DENND1B: variants seen among roughly 807,000 people sequenced by gnomAD.
DENND1B encodes the protein DENN domain-containing protein 1B.
In DENND1B, 59 loss-of-function variants were observed where a neutral mutation model predicts 90.1. That is an observed-to-expected ratio of 0.65 (90% CI 0.53 to 0.81). The LOEUF (loss-of-function observed/expected upper bound fraction) is 0.81. Ranked by LOEUF, DENND1B falls within the 40% of genes least tolerant of loss-of-function variation. The pLI is 0.00. For missense variants in DENND1B, 862 were observed against 912.6 expected, an observed-to-expected ratio of 0.94 and a Z score of 0.71; for synonymous variants, 337 against 324.6, an observed-to-expected ratio of 1.04 and a Z score of -0.41.
At chr1:197,516,174 T>A (rs1296647109) in intron 20 of DENND1B, among the ~76,000 whole-genome samples, 2 of 151,862 alleles carry the variant, frequency 1.3e-5, no homozygotes, top group Non-Finnish European at 2.9e-5. Context: ...GAAGTAAAAC[T>A]GATTAATATG....
chr1:197,699,666 T>C (rs1258944614), intron 3 of DENND1B, among the ~76,000 whole-genome samples: 1 of 152,134 alleles, frequency 6.6e-6, no homozygotes, highest in Non-Finnish European at 1.5e-5. Flanking sequence ...GAAAACCCCA[T>C]CATCTCAGCC....
chr1:197,773,645 G>C (rs1178490423), intron 1 of DENND1B, among the ~76,000 whole-genome samples: 2 of 152,228 alleles, frequency 1.3e-5, no homozygotes, highest in Non-Finnish European at 2.9e-5. Context: ...ACTAGAAACT[G>C]TAAGTTTACT....
chr1:197,540,617 T>G (rs1189576257), intron 19 of DENND1B, among the ~76,000 whole-genome samples: 1 of 152,176 alleles, frequency 6.6e-6, no homozygotes, highest in African/African-American at 2.4e-5. Context: ...CTGGGTTACT[T>G]CTACACAAAA....
In DENND1B at chr1:197,628,427, A is replaced by C. The variant is rs551282692; in HGVS notation, c.673-10668T>G. ...CCTGACAAAAACAAGCAATGGGGAA[A>C]CGATTCCCTATTTAATAAATGGTGC... On this transcript the variant is annotated intron_variant, in intron 10 of 22. Coordinates refer to ENST00000620048, the MANE Select transcript of DENND1B (RefSeq NM_001195215.2). Among the ~76,000 whole-genome samples, 59 of 152,306 alleles carry C rather than the reference A, an allele frequency of 3.9e-4. 2 individuals are homozygous for C. In the South Asian group the frequency reaches 0.012, roughly 32 times the overall value.
At chr1:197,520,875 A>T (rs565575414) in intron 20 of DENND1B, among the ~76,000 whole-genome samples, 55 of 151,974 alleles carry the variant, frequency 3.6e-4, no homozygotes, top group Non-Finnish European at 7.1e-4. Context: ...TGTCAAGTAC[A>T]CATCTAATAT....
intron 2 of DENND1B, chr1:197,734,307 A>C: frequency 1.1e-6 from 1 of 948,056 alleles, no homozygotes. Context: ...AGATAAATTT[A>C]AATTCAGTCA....
chr1:197,678,861 T>C (rs544671459), intron 3 of DENND1B, among the ~76,000 whole-genome samples: 1 of 152,254 alleles, frequency 6.6e-6, no homozygotes, highest in South Asian at 2.1e-4. Context: ...TTGGAGAATA[T>C]ATTTTTAAAC....
At chr1:197,709,884 A>G (rs1174969870) in intron 3 of DENND1B, among the ~76,000 whole-genome samples, 1 of 139,266 alleles carries the variant, frequency 7.2e-6, no homozygotes, top group East Asian at 2.1e-4. Context: ...ATGGCGGAAG[A>G]TCTACCAAGC....
rs1397572595 is a variant in DENND1B at position 197,629,240 on chromosome 1, C to A, written c.673-11481G>T. Reference sequence around the variant, plus strand: ...GACACATGCACACATATGTTTATTGCGGCACTATTCACAATAGCAAAGACT... The same window carrying A: ...GACACATGCACACATATGTTTATTGAGGCACTATTCACAATAGCAAAGACT... On this transcript the variant is annotated intron_variant, in intron 10 of 22. Transcript: ENST00000620048. 3.3e-5 allele frequency among the ~76,000 whole-genome samples: 5 copies of A among 151,814 alleles called. No individual in the cohort carries two copies. The East Asian group carries it at 7.8e-4, about 24-fold the overall frequency.
intron 15 of DENND1B, among the ~76,000 whole-genome samples, chr1:197,559,877 C>T (rs2125700678): frequency 6.6e-6 from 1 of 152,012 alleles, no homozygotes; most frequent in South Asian, 2.1e-4. Context: ...TATATATAAA[C>T]ACAAACTGCC....
intron 2 of DENND1B, chr1:197,735,871 A>G (rs1662626189): frequency 6.4e-6 from 10 of 1,572,030 alleles, no homozygotes; most frequent in Non-Finnish European, 8.7e-6. Flanking sequence ...GTCAAATTGC[A>G]GGGGGCTATT....
At chr1:197,545,833 T>C in intron 18 of DENND1B, 89 bp downstream of exon 18, 4 of 1,142,986 alleles carry the variant, frequency 3.5e-6, no homozygotes, top group Non-Finnish European at 4.9e-6. Flanking sequence ...AAAAGAAAAA[T>C]AGAAAATATT....
intron 15 of DENND1B, among the ~76,000 whole-genome samples, chr1:197,567,556 A>G (rs528778732): frequency 3.3e-5 from 5 of 152,134 alleles, no homozygotes; most frequent in Non-Finnish European, 7.4e-5. Flanking sequence ...AATTACATCC[A>G]ATGTCCCTTA....
At chr1:197,663,823 A>G (rs1654657211) in intron 5 of DENND1B, among the ~76,000 whole-genome samples, 1 of 152,058 alleles carries the variant, frequency 6.6e-6, no homozygotes, top group Non-Finnish European at 1.5e-5. Flanking sequence ...ACAACTCCTG[A>G]TAAGAAGCAA....
intron 10 of DENND1B, among the ~76,000 whole-genome samples, chr1:197,625,848 CA>C (rs926641220): frequency 6.6e-6 from 1 of 151,428 alleles, no homozygotes; most frequent in African/African-American, 2.4e-5. Context: ...AAATGGAAAA[CA>C]AAAAAAGGCA....
At chr1:197,545,891 A>T (rs755514079) in intron 18 of DENND1B, 31 bp downstream of exon 18, 2 of 1,539,594 alleles carry the variant, frequency 1.3e-6, no homozygotes, top group Non-Finnish European at 1.8e-6. Flanking sequence ...TAATTTCATA[A>T]ATAGGATTGT....
chr1:197,703,413 T>C (rs1437518753), intron 3 of DENND1B, among the ~76,000 whole-genome samples: 5 of 152,196 alleles, frequency 3.3e-5, no homozygotes, highest in African/African-American at 9.6e-5. Context: ...TGTATAACTA[T>C]TGAAATGTAT....
chr1:197,605,499 CT>C (rs1676593494), intron 13 of DENND1B: 1 of 150,722 alleles, frequency 6.6e-6, no homozygotes. Flanking sequence ...TCTTCTTTCT[CT>C]TTTTAACAAT....
At chr1:197,565,919 T>G (rs892176990) in intron 15 of DENND1B, among the ~76,000 whole-genome samples, 4 of 150,226 alleles carry the variant, frequency 2.7e-5, no homozygotes, top group African/African-American at 9.8e-5. Context: ...TTCCAAGTCT[T>G]TGCTATTGTG....
Sources: gnomAD v4.1 joint callset for allele counts (sites outside exome capture counted in the v4.1 genomes callset) on GRCh38, gnomAD v4.1.1 for gene constraint, MANE v1.5 for transcripts, NCBI Gene and HGNC (gene_info 2026-07-23, HGNC 2026-07-21) for gene names.